LHPP: variants seen among roughly 807,000 people sequenced by gnomAD.
The protein encoded by LHPP is phospholysine phosphohistidine inorganic pyrophosphate phosphatase, also known as hLHPP.
LHPP carries 24 observed loss-of-function variants against 30.3 expected under a neutral mutation model. That is an observed-to-expected ratio of 0.79 (90% confidence interval 0.57 to 1.11). LHPP has a LOEUF of 1.11. Ranked by LOEUF, LHPP falls within the 50% of genes most tolerant of loss-of-function variation. LHPP has a pLI of 0.00. For missense variants in LHPP, 356 were observed against 367.2 expected, an observed-to-expected ratio of 0.97 and a Z score of 0.25; for synonymous variants, 150 against 157.1, an observed-to-expected ratio of 0.95 and a Z score of 0.34.
chr10:124,482,537 G>A (rs11245129), intron 1 of LHPP, among the ~76,000 whole-genome samples: 21,623 of 152,150 alleles, frequency 0.14, 1,875 homozygotes, highest in Non-Finnish European at 0.19. Flanking sequence ...AAATATGACC[G>A]CTGCCTTGTT....
intron 1 of LHPP, among the ~76,000 whole-genome samples, chr10:124,472,457 A>G (rs1314868160): frequency 6.6e-6 from 1 of 152,232 alleles, no homozygotes; most frequent in African/African-American, 2.4e-5. Context: ...TTAGACAGCT[A>G]TGAAAGAATG....
chr10:124,585,628 GA>G (rs796813359), intron 6 of LHPP, among the ~76,000 whole-genome samples: 1 of 148,864 alleles, frequency 6.7e-6, no homozygotes, highest in East Asian at 2.0e-4. Flanking sequence ...AAAAAAAAAA[GA>G]AAAAGAAAAA....
At chr10:124,489,408 A>C (rs1953444391) in intron 3 of LHPP, among the ~76,000 whole-genome samples, 1 of 152,214 alleles carries the variant, frequency 6.6e-6, no homozygotes, top group Non-Finnish European at 1.5e-5. Context: ...AGCATGCAGC[A>C]AATGGATATG....
At chr10:124,532,943 C>T (rs1954934684) in intron 6 of LHPP, among the ~76,000 whole-genome samples, 1 of 152,212 alleles carries the variant, frequency 6.6e-6, no homozygotes, top group African/African-American at 2.4e-5. Context: ...AGAAGAAGCC[C>T]AGGCTCAAAT....
At chr10:124,587,760 A>C (rs1376907424) in intron 6 of LHPP, among the ~76,000 whole-genome samples, 1 of 145,606 alleles carries the variant, frequency 6.9e-6, no homozygotes, top group Non-Finnish European at 1.5e-5. Context: ...AAAAAAAAAA[A>C]AAAAACCAAA....
rs1156635021 is a variant in LHPP at position 124,496,102 on chromosome 10, T to C, written c.468-859T>C. The stretch of plus-strand genomic sequence containing the variant: ...GATGGTGGATGGCAAAACATTTTAG[T>C]GGTTCCAAGAATCAAGCCCCCTTGT... On this transcript the variant is annotated intron_variant, in intron 3 of 6. Transcript: ENST00000368842. The surrounding 1 kb of genome is among the most constrained non-coding windows in gnomAD (Gnocchi z 4.3). 5.9e-5 allele frequency among the ~76,000 whole-genome samples: 9 copies of C among 152,072 alleles called. No homozygotes were observed. The highest frequency in any genetic ancestry group is 1.9e-4 in the African/African-American group (8 of 41,580).
intron 6 of LHPP, among the ~76,000 whole-genome samples, chr10:124,585,470 C>G (rs980681530): frequency 2.6e-5 from 4 of 151,328 alleles, no homozygotes; most frequent in African/African-American, 7.3e-5. Flanking sequence ...AAAAAATTAG[C>G]CAGGCATGGT....
chr10:124,585,609 T>C (rs1207954911), intron 6 of LHPP, among the ~76,000 whole-genome samples: 2 of 146,268 alleles, frequency 1.4e-5, no homozygotes, highest in Non-Finnish European at 3.0e-5. Flanking sequence ...AACGAGACTC[T>C]ATCTCTAAAA....
At chr10:124,558,671 T>G (rs1412227380) in intron 6 of LHPP, among the ~76,000 whole-genome samples, 1 of 152,190 alleles carries the variant, frequency 6.6e-6, no homozygotes, top group African/African-American at 2.4e-5. Flanking sequence ...GCACCCCCAA[T>G]GTGGAACGCA....
Position 124,560,026 on chromosome 10 carries a change from G to C in LHPP, c.716+42755G>C, listed in dbSNP as rs372767862. Among the ~76,000 whole-genome samples, 72 of 152,340 alleles carry C rather than the reference G, an allele frequency of 4.7e-4. 1 individual carries two copies. The South Asian group carries it at 0.014, about 29-fold the overall frequency. On this transcript the variant is annotated intron_variant, in intron 6 of 6. Coordinates refer to ENST00000368842, the MANE Select transcript of LHPP (RefSeq NM_022126.4). ...ATCATTTCCACTTTCCAGGCCCTGC[G>C]ATCTGGTTTGTAGCCTGTACCAGGG...
intron 6 of LHPP, among the ~76,000 whole-genome samples, chr10:124,598,249 T>C (rs1024445073): frequency 6.6e-6 from 1 of 152,224 alleles, no homozygotes; most frequent in Admixed American, 6.5e-5. Context: ...CCCATCAGCC[T>C]GGAGGGGACA....
chr10:124,540,818 C>G (rs967763089), intron 6 of LHPP, among the ~76,000 whole-genome samples: 2 of 152,148 alleles, frequency 1.3e-5, no homozygotes, highest in Non-Finnish European at 2.9e-5. Context: ...TAAGTTCTGG[C>G]CCTAGATCTA....
At chr10:124,504,035 T>C (rs915566573) in intron 5 of LHPP, among the ~76,000 whole-genome samples, 3 of 151,170 alleles carry the variant, frequency 2.0e-5, no homozygotes, top group Non-Finnish European at 4.4e-5. Flanking sequence ...CTACTACAAA[T>C]ACAAAAATTA....
At chr10:124,569,349 C>G (rs1482272165) in intron 6 of LHPP, among the ~76,000 whole-genome samples, 2 of 152,138 alleles carry the variant, frequency 1.3e-5, no homozygotes, top group Non-Finnish European at 2.9e-5. Context: ...AGTTGTCTGT[C>G]GGGCTGTGTC....
intron 3 of LHPP, among the ~76,000 whole-genome samples, chr10:124,490,790 C>T (rs1340165290): frequency 6.6e-6 from 1 of 152,246 alleles, no homozygotes. Context: ...TTCCAGAAAG[C>T]TGCACAGACT....
intron 1 of LHPP, among the ~76,000 whole-genome samples, chr10:124,481,394 T>TTG (rs1189108724): frequency 5.3e-5 from 6 of 114,020 alleles, no homozygotes; most frequent in African/African-American, 1.2e-4. Context: ...TTTTTTTTTT[T>TTG]GCGACAGAGT....
intron 6 of LHPP, among the ~76,000 whole-genome samples, chr10:124,569,336 G>A (rs1042202973): frequency 3.9e-5 from 6 of 152,252 alleles, no homozygotes; most frequent in South Asian, 2.1e-4. Flanking sequence ...CTTTCACCCC[G>A]TCAGTTGTCT....
intron 2 of LHPP, among the ~76,000 whole-genome samples, chr10:124,486,579 G>A (rs1197823175): frequency 6.6e-6 from 1 of 152,256 alleles, no homozygotes; most frequent in Admixed American, 6.5e-5. Context: ...AGTCCTACTG[G>A]GCACACTTGA....
intron 6 of LHPP, chr10:124,526,129 A>C: frequency 6.3e-6 from 6 of 948,070 alleles, no homozygotes; most frequent in Non-Finnish European, 7.5e-6. Context: ...GAGCGTCAGC[A>C]GGGCCCTCTC....
Sources: gnomAD v4.1 joint callset for allele counts (sites outside exome capture counted in the v4.1 genomes callset) on GRCh38, gnomAD v4.1.1 for gene constraint, Gnocchi (gnomAD v3.1) non-coding constraint, MANE v1.5 for transcripts, NCBI Gene and HGNC (gene_info 2026-07-23, HGNC 2026-07-21) for gene names.